Variants in TMEM64 observed in about 807,000 individuals in gnomAD.
TMEM64 encodes transmembrane protein 64.
TMEM64 carries 19 observed loss-of-function variants against 24.5 expected under a neutral mutation model. The observed-to-expected ratio is 0.78, with a 90% CI of 0.54 to 1.14. The LOEUF (loss-of-function observed/expected upper bound fraction) is 1.14, where lower values mean the gene tolerates loss of function less well. TMEM64 is among the 50% of genes most tolerant of loss of function. The pLI is 0.00. For missense variants in TMEM64, 487 were observed against 493.0 expected (o/e 0.99, Z 0.12); for synonymous variants, 262 against 224.7 (o/e 1.17, Z -1.49).
At position 90,628,794 on chromosome 8, in the gene TMEM64, A is replaced by G. The variant is rs149168570; in HGVS notation, c.951+2758T>C. Among the ~76,000 whole-genome samples the G allele has an allele frequency of 3.7e-3, 564 of 152,168 alleles. 5 individuals carry two copies. The highest frequency in any genetic ancestry group is 0.013 in the African/African-American group (539 of 41,536). Reference sequence around the variant, plus strand: ...GAGCACTAACAAGACACTCAAAGAAAATGCTCATTCGAACACTTTAGATTC... The same window carrying G: ...GAGCACTAACAAGACACTCAAAGAAGATGCTCATTCGAACACTTTAGATTC... On this transcript the variant is annotated intron_variant, in intron 2 of 2. Coordinates refer to ENST00000458549, the MANE Select transcript of TMEM64 (RefSeq NM_001008495.4).
chr8:90,641,770 T>C (rs1270458070), intron 1 of TMEM64, among the ~76,000 whole-genome samples: 2 of 152,240 alleles, frequency 1.3e-5, no homozygotes, highest in Non-Finnish European at 2.9e-5. Flanking sequence ...ATTAGTTAAG[T>C]ACAATGTAGG....
chr8:90,641,275 TA>T (rs1443157938), intron 1 of TMEM64, among the ~76,000 whole-genome samples: 1 of 152,192 alleles, frequency 6.6e-6, no homozygotes, highest in African/African-American at 2.4e-5. Context: ...AGCACACACA[TA>T]AATGAGCACA....
chr8:90,639,844 T>C (rs929698328), intron 1 of TMEM64, among the ~76,000 whole-genome samples: 3 of 152,200 alleles, frequency 2.0e-5, no homozygotes, highest in Non-Finnish European at 4.4e-5. Context: ...TGTTAAAACA[T>C]GTTTTAATAA....
At chr8:90,640,929 T>C (rs771417582) in intron 1 of TMEM64, among the ~76,000 whole-genome samples, 1 of 152,210 alleles carries the variant, frequency 6.6e-6, no homozygotes, top group Non-Finnish European at 1.5e-5. Flanking sequence ...TATAAAGCAG[T>C]TCCCTAAGAA....
chr8:90,635,834 A>T (rs1471582410), intron 1 of TMEM64, among the ~76,000 whole-genome samples: 1 of 152,256 alleles, frequency 6.6e-6, no homozygotes, highest in African/African-American at 2.4e-5. Context: ...TAAATATCTC[A>T]GTTCAAAAAT....
intron 1 of TMEM64, among the ~76,000 whole-genome samples, chr8:90,643,040 C>T (rs10046610): frequency 0.17 from 25,974 of 151,984 alleles, 4,692 homozygotes; most frequent in African/African-American, 0.46. Flanking sequence ...AAAATACAAC[C>T]TCTTAGTTAT....
At position 90,628,598 on chromosome 8, in the gene TMEM64, A is replaced by G. The variant is rs1188946370; in HGVS notation, c.952-2736T>C. On this transcript the variant is annotated intron_variant, in intron 2 of 2. Coordinates refer to ENST00000458549, the MANE Select transcript of TMEM64 (RefSeq NM_001008495.4). ...CCCCAAAAGAATAGGGGCAAAGCAG[A>G]TAAAACTTGGATGTATTCAGGTTTG... Among the ~76,000 whole-genome samples the G allele has an allele frequency of 2.0e-5, 3 of 151,650 alleles. No individual in the cohort carries two copies. In the East Asian group the frequency reaches 5.9e-4, roughly 30 times the overall value.
At chr8:90,644,454 T>C (rs150156368) in intron 1 of TMEM64, among the ~76,000 whole-genome samples, 1 of 152,256 alleles carries the variant, frequency 6.6e-6, no homozygotes, top group East Asian at 1.9e-4. Context: ...ATGGTGCAGA[T>C]ACAGAAGAAA....
At chr8:90,626,018 A>G (rs113194231) in intron 2 of TMEM64, among the ~76,000 whole-genome samples, 156 bp from the exon 3 acceptor site, 3 of 152,210 alleles carry the variant, frequency 2.0e-5, no homozygotes, top group African/African-American at 7.2e-5. Context: ...ACACACAGTT[A>G]TTGTTTATTC....
chr8:90,622,147 G>A lies in TMEM64; in HGVS notation c.*3524C>T, dbSNP rs976063056. 6.6e-6 allele frequency: 1 copy of A among 152,096 alleles called. No homozygotes were observed. The highest frequency in any genetic ancestry group is 1.5e-5 in the Non-Finnish European group (1 of 68,022). The allele number at this position is 152,096 out of a possible 1,614,324, so 9.4% of individuals were successfully genotyped here. A position where few individuals can be genotyped will look rare whatever the true frequency, so the allele number is the denominator to read the frequency against. On this transcript the variant is annotated 3_prime_UTR_variant, in exon 3 of 3. Transcript: ENST00000458549. ...GCAGCAATCACTTTGCAATTCATAAGTATCAGGTTAGAATTTAGTTGTGGA... is the reference window on the plus strand; with the variant it reads ...GCAGCAATCACTTTGCAATTCATAAATATCAGGTTAGAATTTAGTTGTGGA...
intron 1 of TMEM64, among the ~76,000 whole-genome samples, chr8:90,631,948 G>GT (rs1445680580): frequency 5.3e-5 from 8 of 152,160 alleles, no homozygotes; most frequent in African/African-American, 1.9e-4. Context: ...GGTAACATTT[G>GT]TGACTATTTT....
At chr8:90,633,791 T>G (rs892750862) in intron 1 of TMEM64, among the ~76,000 whole-genome samples, 1 of 152,212 alleles carries the variant, frequency 6.6e-6, no homozygotes, top group Non-Finnish European at 1.5e-5. Context: ...ATATGTTTTT[T>G]ATTCACATTT....
intron 1 of TMEM64, among the ~76,000 whole-genome samples, chr8:90,633,875 AC>A (rs1485239454): frequency 2.6e-5 from 4 of 152,116 alleles, no homozygotes; most frequent in African/African-American, 9.7e-5. Context: ...ATTTGTAAGA[AC>A]TATTTATATA....
intron 1 of TMEM64, among the ~76,000 whole-genome samples, chr8:90,632,436 C>T (rs1809453293): frequency 6.6e-6 from 1 of 152,182 alleles, no homozygotes. Flanking sequence ...CATTCTCCTG[C>T]CTCAGTCTCC....
chr8:90,632,051 T>C (rs944345972), intron 1 of TMEM64, among the ~76,000 whole-genome samples: 5 of 152,218 alleles, frequency 3.3e-5, no homozygotes, highest in Non-Finnish European at 5.9e-5. Context: ...TCATAAGCAT[T>C]CTTAATTAGC....
rs183844841 is a variant in TMEM64, at chr8:90,625,870, T to A, written c.952-8A>T. 13 of 1,553,194 alleles carry A rather than the reference T, an allele frequency of 8.4e-6. No homozygotes were observed. The highest frequency in any genetic ancestry group is 4.5e-5 in the East Asian group (2 of 44,376). ...GCCTATACTTATAATAATCTGTGAATAAAAATAAAACATTACAGTTATCAA... is the reference window on the plus strand; with the variant it reads ...GCCTATACTTATAATAATCTGTGAAAAAAAATAAAACATTACAGTTATCAA... On this transcript the variant is annotated splice_polypyrimidine_tract_variant and splice_region_variant and intron_variant, in intron 2 of 2. Transcript: ENST00000458549.
chr8:90,628,041 T>C (rs577201680), intron 2 of TMEM64, among the ~76,000 whole-genome samples: 2 of 152,318 alleles, frequency 1.3e-5, no homozygotes, highest in East Asian at 3.9e-4. Flanking sequence ...CCAGCTGCAC[T>C]TCTGATCCCA....
Position 90,630,592 on chromosome 8 carries a change from T to G in TMEM64, c.951+960A>C, listed in dbSNP as rs1809422120. ...TTACAGCACTTGCCATTTCCCATGG[T>G]GTAAATATTCCCATCATGGGCAATT... On this transcript the variant is annotated intron_variant, in intron 2 of 2. Transcript: ENST00000458549. Among the ~76,000 whole-genome samples the G allele has an allele frequency of 2.0e-5, 3 of 152,132 alleles. No individual in the cohort carries two copies. In the South Asian group the frequency reaches 6.2e-4, roughly 32 times the overall value.
rs1188719812 is a variant in TMEM64, at chr8:90,625,763, GAGA to G, written c.1048_1050del (p.Ser350del). On this transcript the variant is annotated inframe_deletion, in exon 3 of 3. Transcript: ENST00000458549. ...GTATTTGGTTGATTGCCTTTAACCA[GAGA>G]AGATTTCAGTTCCATTTCACAAGCT... 6.2e-7 allele frequency: 1 copy of G among 1,613,892 alleles called. No homozygotes were observed. Among genetic ancestry groups the G allele is most frequent in the Middle Eastern group, 1.7e-4 (1 of 6,060 alleles).
Sources: allele counts gnomAD v4.1 joint callset (sites outside exome capture counted in the v4.1 genomes callset), GRCh38; gene constraint gnomAD v4.1.1; transcripts MANE v1.5; gene names NCBI Gene and HGNC (gene_info 2026-07-23, HGNC 2026-07-21).